The following NAALADL2 variants were observed in gnomAD, a reference collection of about 807,000 sequenced individuals.
NAALADL2 encodes N-acetylated alpha-linked acidic dipeptidase like 2.
Under a neutral mutation model 87.2 loss-of-function variants are expected in NAALADL2, and 76 were observed. The ratio of observed to expected loss-of-function variants is 0.87; its 90% CI spans 0.72 to 1.05. NAALADL2 has a LOEUF of 1.05. Ranked by LOEUF, NAALADL2 falls within the 50% of genes least tolerant of loss-of-function variation. The pLI is 0.00. For missense variants in NAALADL2, 1,089 were observed against 945.8 expected (o/e 1.15, Z -1.99); for synonymous variants, 354 against 331.0 (o/e 1.07, Z -0.75).
rs559655538 is a variant in NAALADL2 at position 175,134,118 on chromosome 3, A to G, written c.545+36827A>G. On this transcript the variant is annotated intron_variant, in intron 2 of 13. Coordinates refer to ENST00000454872, the MANE Select transcript of NAALADL2 (RefSeq NM_207015.3). ...CAGTGACTATGTCTTCCATGTGTGC[A>G]TGGCTTGTCTACAGTCACAGTTTAT... Among the ~76,000 whole-genome samples the G allele has an allele frequency of 2.6e-5, 4 of 152,232 alleles. No homozygotes were observed. In the South Asian group the frequency reaches 6.2e-4, roughly 24 times the overall value.
intron 1 of NAALADL2, among the ~76,000 whole-genome samples, chr3:174,492,072 C>G (rs955321373): frequency 3.3e-5 from 5 of 151,994 alleles, no homozygotes; most frequent in African/African-American, 1.2e-4. Flanking sequence ...GAGTTCAAGA[C>G]CAGCCTGGCC....
Position 175,803,779 on chromosome 3 carries a change from AT to A in NAALADL2, c.*583del, listed in dbSNP as rs921704750. 6.6e-5 allele frequency: 10 copies of A among 152,354 alleles called. No homozygotes were observed. The highest frequency in any genetic ancestry group is 2.4e-4 in the African/African-American group (10 of 41,402). 9.4% of individuals were successfully genotyped at this position (152,354 alleles called of 1,614,324 possible). A position where few individuals can be genotyped will look rare whatever the true frequency, so the allele number is the denominator to read the frequency against. ...AGTAATACACTGGTTATGAAATTGT[AT>A]TTTTTTAAGTATTAATGAAAAAAGA... On this transcript the variant is annotated 3_prime_UTR_variant, in exon 14 of 14. Coordinates refer to ENST00000454872, the MANE Select transcript of NAALADL2 (RefSeq NM_207015.3).
intron 5 of NAALADL2, among the ~76,000 whole-genome samples, chr3:175,417,064 T>C (rs1470215416): frequency 6.8e-6 from 1 of 147,868 alleles, no homozygotes; most frequent in Non-Finnish European, 1.5e-5. Flanking sequence ...TGGTTACAAT[T>C]GGGTTAAATA....
intron 1 of NAALADL2, among the ~76,000 whole-genome samples, chr3:175,026,333 C>A (rs188211880): frequency 6.6e-6 from 1 of 151,738 alleles, no homozygotes. Flanking sequence ...CACAAGTGAG[C>A]AAGAGGCCAG....
intron 1 of NAALADL2, among the ~76,000 whole-genome samples, chr3:175,064,184 G>T (rs1025103348): frequency 5.4e-5 from 8 of 148,564 alleles, no homozygotes; most frequent in Non-Finnish European, 1.2e-4. Context: ...GAAGATGGTG[G>T]TATTGTTGGT....
At chr3:175,666,976 A>G (rs1228845038) in intron 11 of NAALADL2, among the ~76,000 whole-genome samples, 1 of 151,962 alleles carries the variant, frequency 6.6e-6, no homozygotes, top group Non-Finnish European at 1.5e-5. Context: ...TACTTAGTAC[A>G]GGGTATGCTT....
rs146229316 is a variant in NAALADL2 at position 174,578,509 on chromosome 3, G to A, written c.-115+27872G>A. On this transcript the variant is annotated intron_variant, in intron 2 of 3. Coordinates refer to the NAALADL2 transcript ENST00000434257. ...AAAAAAACAGTCAACCTCAAATTCT[G>A]CATCCATTAAAATTATTCTTCAACT... 1.6e-4 allele frequency among the ~76,000 whole-genome samples: 25 copies of A among 151,960 alleles called. No individual in the cohort carries two copies. The East Asian group carries it at 4.8e-3, about 29-fold the overall frequency.
chr3:175,104,036 A>G (rs756191485), intron 2 of NAALADL2, among the ~76,000 whole-genome samples: 1 of 152,250 alleles, frequency 6.6e-6, no homozygotes, highest in Non-Finnish European at 1.5e-5. Context: ...TTTAACTCAG[A>G]CATTAGGTTT....
At chr3:175,467,445 C>G (rs1430525258) in intron 8 of NAALADL2, among the ~76,000 whole-genome samples, 1 of 152,124 alleles carries the variant, frequency 6.6e-6, no homozygotes, top group East Asian at 1.9e-4. Flanking sequence ...TAGTGTTTAC[C>G]TTATTATTGT....
In NAALADL2 at chr3:175,619,956, G is replaced by A. The variant is rs539609225; in HGVS notation, c.1801-7335G>A. 2.0e-5 allele frequency among the ~76,000 whole-genome samples: 3 copies of A among 151,990 alleles called. No homozygotes were observed. In the East Asian group the frequency reaches 5.8e-4, roughly 30 times the overall value. On this transcript the variant is annotated intron_variant, in intron 10 of 13. Transcript: ENST00000454872. ...AGCCAACATGCCCAACCCCCCGAGG[G>A]GTGATGGAGAATTGACAAAGTCCTC...
intron 1 of NAALADL2, among the ~76,000 whole-genome samples, chr3:174,975,062 A>G (rs1396152057): frequency 6.6e-6 from 1 of 152,120 alleles, no homozygotes; most frequent in Non-Finnish European, 1.5e-5. Context: ...TTTCTTTCAG[A>G]GCTGATGCAC....
chr3:175,631,314 G>A (rs928780600), intron 11 of NAALADL2, among the ~76,000 whole-genome samples: 8 of 151,734 alleles, frequency 5.3e-5, no homozygotes, highest in Non-Finnish European at 8.8e-5. Flanking sequence ...AGATCTCACA[G>A]TGGTTTGGTT....
chr3:175,293,069 A>AACTCGGTT (rs2110158780), intron 4 of NAALADL2, among the ~76,000 whole-genome samples: 1 of 135,378 alleles, frequency 7.4e-6, no homozygotes, highest in South Asian at 2.5e-4. Context: ...AAAAAGGGGG[A>AACTCGGTT]ACTCGGTTAT....
intron 6 of NAALADL2, among the ~76,000 whole-genome samples, chr3:175,457,379 A>AT (rs1238047297): frequency 6.6e-6 from 1 of 151,832 alleles, no homozygotes; most frequent in Non-Finnish European, 1.5e-5. Flanking sequence ...TTACTTTATA[A>AT]TTTTTTTCTT....
At chr3:174,813,674 G>C (rs1488510739) in intron 3 of NAALADL2, among the ~76,000 whole-genome samples, 1 of 151,874 alleles carries the variant, frequency 6.6e-6, no homozygotes, top group Non-Finnish European at 1.5e-5. Flanking sequence ...TTTTTTCATA[G>C]ACAAAGTTTT....
intron 1 of NAALADL2, among the ~76,000 whole-genome samples, chr3:174,460,856 A>G (rs1335707438): frequency 3.3e-5 from 5 of 151,974 alleles, no homozygotes. Flanking sequence ...TATTTAAAAG[A>G]CTTTACTTAA....
intron 1 of NAALADL2, among the ~76,000 whole-genome samples, chr3:175,042,225 T>C (rs1754157671): frequency 1.3e-5 from 2 of 152,278 alleles, no homozygotes; most frequent in East Asian, 1.9e-4. Flanking sequence ...CCAGGTTCAT[T>C]TATGTTATCA....
chr3:174,672,441 A>G (rs1726644717), intron 2 of NAALADL2, among the ~76,000 whole-genome samples: 1 of 142,082 alleles, frequency 7.0e-6, no homozygotes, highest in African/African-American at 2.5e-5. Context: ...TCATATGGAA[A>G]TAGAACATTG....
chr3:175,219,119 A>C (rs1285578788), intron 2 of NAALADL2, among the ~76,000 whole-genome samples: 1 of 152,070 alleles, frequency 6.6e-6, no homozygotes, highest in Admixed American at 6.6e-5. Flanking sequence ...CTTCATATAC[A>C]TATATATGCA....
Sources: allele counts gnomAD v4.1 joint callset (sites outside exome capture counted in the v4.1 genomes callset), GRCh38; gene constraint gnomAD v4.1.1; transcripts MANE v1.5; gene names NCBI Gene and HGNC (gene_info 2026-07-23, HGNC 2026-07-21).